Variants in PDE4D observed in about 807,000 individuals in gnomAD.
PDE4D encodes the protein phosphodiesterase 4D.
Under a neutral mutation model 87.4 loss-of-function variants are expected in PDE4D, and 24 were observed. The observed-to-expected ratio is 0.27, with a 90% confidence interval of 0.20 to 0.39. PDE4D has a LOEUF of 0.39. Ranked by LOEUF, PDE4D falls within the 10% of genes least tolerant of loss-of-function variation. The pLI is 1.00. For missense variants in PDE4D, 714 were observed against 1,041.0 expected, an observed-to-expected ratio of 0.69 and a Z score of 4.32; for synonymous variants, 384 against 383.2, an observed-to-expected ratio of 1.00 and a Z score of -0.02.
At chr5:59,341,703 C>T (rs1175722566) in intron 1 of PDE4D, among the ~76,000 whole-genome samples, 2 of 152,152 alleles carry the variant, frequency 1.3e-5, no homozygotes, top group Admixed American at 1.3e-4. Flanking sequence ...TGGCGTAACT[C>T]CTATCTATTT....
At position 59,786,010 on chromosome 5, in the gene PDE4D, G is replaced by A. The variant is rs185701914; in HGVS notation, c.455+107158C>T. On this transcript the variant is annotated intron_variant, in intron 1 of 14. Transcript: ENST00000340635. ...AATGGTTGGGGGGTGAGGGTGGGGG[G>A]AACTGGCAGTGTTTCTTCTGGTAGG... Among the ~76,000 whole-genome samples the A allele has an allele frequency of 3.2e-3, 450 of 142,070 alleles. 14 individuals are homozygous for A. Among genetic ancestry groups the A allele is most frequent in the Non-Finnish European group, 9.1e-4 (59 of 64,912 alleles). 93.2% of individuals were successfully genotyped at this position (142,070 alleles called of 152,430 possible).
intron 2 of PDE4D, among the ~76,000 whole-genome samples, chr5:60,095,864 A>G (rs1434593706): frequency 6.6e-6 from 1 of 151,816 alleles, no homozygotes; most frequent in Non-Finnish European, 1.5e-5. Flanking sequence ...TTTTTTTTAT[A>G]TATTTTTTGG....
At chr5:60,246,324 GT>G (rs58727804) in intron 1 of PDE4D, among the ~76,000 whole-genome samples, 30,316 of 151,398 alleles carry the variant, frequency 0.2, 4,156 homozygotes, top group East Asian at 0.66. Flanking sequence ...GATTCTTTTT[GT>G]TGTCTTTTAA....
At chr5:60,488,435 C>T (rs1749326632), upstream of PDE4D, 1 of 151,718 alleles carries the variant, frequency 6.6e-6, no homozygotes, top group African/African-American at 2.4e-5. Context: ...TAATTTTCAT[C>T]TTTCTTTTTA....
chr5:59,429,653 G>A (rs1795820420), intron 1 of PDE4D, among the ~76,000 whole-genome samples: 1 of 152,112 alleles, frequency 6.6e-6, no homozygotes, highest in African/African-American at 2.4e-5. Context: ...TGCTTCTGAA[G>A]TTCATTGTTA....
chr5:60,359,123 T>C (rs1358769383), intron 1 of PDE4D, among the ~76,000 whole-genome samples: 3 of 152,212 alleles, frequency 2.0e-5, no homozygotes, highest in Non-Finnish European at 4.4e-5. Flanking sequence ...TATATTGTTA[T>C]AGGCAGGGCA....
At chr5:60,377,339 T>C (rs574619884) in intron 1 of PDE4D, among the ~76,000 whole-genome samples, 1 of 152,282 alleles carries the variant, frequency 6.6e-6, no homozygotes, top group South Asian at 2.1e-4. Flanking sequence ...TAAACAAGCA[T>C]AAACAACTGG....
At chr5:60,049,736 G>C (rs1017103400) in intron 2 of PDE4D, among the ~76,000 whole-genome samples, 1 of 152,192 alleles carries the variant, frequency 6.6e-6, no homozygotes, top group African/African-American at 2.4e-5. Flanking sequence ...CAGATCTCCA[G>C]CTGCATGCTG....
chr5:60,449,367 A>G (rs1745906200), intron 1 of PDE4D, among the ~76,000 whole-genome samples: 1 of 151,888 alleles, frequency 6.6e-6, no homozygotes, highest in Admixed American at 6.6e-5. Flanking sequence ...ATTGGAAATC[A>G]TCATTCTCAG....
intron 1 of PDE4D, among the ~76,000 whole-genome samples, chr5:59,585,059 A>T (rs1259756661): frequency 2.0e-5 from 3 of 152,136 alleles, no homozygotes; most frequent in African/African-American, 7.2e-5. Flanking sequence ...CTGGTGATGC[A>T]GTTGGAAGTG....
At chr5:59,624,973 C>G (rs959355306) in intron 1 of PDE4D, among the ~76,000 whole-genome samples, 1 of 152,172 alleles carries the variant, frequency 6.6e-6, no homozygotes, top group African/African-American at 2.4e-5. Context: ...TTGGCTAATA[C>G]ACAATTCTAA....
intron 1 of PDE4D, among the ~76,000 whole-genome samples, chr5:60,304,857 C>T (rs1171034942): frequency 1.3e-5 from 2 of 151,794 alleles, no homozygotes; most frequent in African/African-American, 4.8e-5. Flanking sequence ...ATTGAAATGG[C>T]AACTAAACCC....
chr5:59,176,539 G>C (rs1783913936), intron 5 of PDE4D, among the ~76,000 whole-genome samples: 2 of 147,938 alleles, frequency 1.4e-5, no homozygotes, highest in South Asian at 4.3e-4. Context: ...TGGGCGATAA[G>C]AGCAAAACTC....
intron 1 of PDE4D, among the ~76,000 whole-genome samples, chr5:60,321,613 T>A (rs776601360): frequency 2.6e-5 from 4 of 152,158 alleles, no homozygotes; most frequent in Non-Finnish European, 4.4e-5. Context: ...ACAGACAACC[T>A]GCAGAATGGG....
intron 1 of PDE4D, among the ~76,000 whole-genome samples, chr5:59,847,719 T>C (rs1251573644): frequency 6.6e-6 from 1 of 152,096 alleles, no homozygotes; most frequent in African/African-American, 2.4e-5. Flanking sequence ...AAAACCTCTA[T>C]AATCTGAGCC....
At chr5:59,066,210 G>A (rs147985137) in intron 5 of PDE4D, among the ~76,000 whole-genome samples, 2 of 152,202 alleles carry the variant, frequency 1.3e-5, no homozygotes, top group African/African-American at 4.8e-5. Context: ...TCACAGTGTG[G>A]TCAAGCTAAC....
intron 5 of PDE4D, among the ~76,000 whole-genome samples, chr5:59,168,178 G>C (rs1304504052): frequency 6.6e-6 from 1 of 152,014 alleles, no homozygotes; most frequent in African/African-American, 2.4e-5. Flanking sequence ...TTCAGGACAT[G>C]GTGAGCTAGG....
intron 5 of PDE4D, chr5:59,179,617 C>T (rs1581221278): frequency 2.3e-6 from 1 of 439,290 alleles, no homozygotes; most frequent in Non-Finnish European, 4.5e-6. Context: ...AATGTGGTGA[C>T]CACAAACACA....
At chr5:59,491,146 T>C (rs1806107658) in intron 1 of PDE4D, among the ~76,000 whole-genome samples, 1 of 152,242 alleles carries the variant, frequency 6.6e-6, no homozygotes, top group African/African-American at 2.4e-5. Flanking sequence ...GAGATGATTA[T>C]GTATGTGATT....
Sources: allele counts gnomAD v4.1 joint callset (sites outside exome capture counted in the v4.1 genomes callset), GRCh38; gene constraint gnomAD v4.1.1; transcripts MANE v1.5; gene names NCBI Gene and HGNC (gene_info 2026-07-23, HGNC 2026-07-21).